VMP1: variants seen among roughly 807,000 people sequenced by gnomAD.
The protein encoded by VMP1 is vacuole membrane protein 1, also known as ectopic P-granules autophagy protein 3 homolog.
Under a neutral mutation model 56.0 loss-of-function variants are expected in VMP1, and 11 were observed. The ratio of observed to expected loss-of-function variants is 0.20; its 90% CI spans 0.12 to 0.32. The LOEUF (loss-of-function observed/expected upper bound fraction) is 0.32, where lower values mean the gene tolerates loss of function less well. Among genes scored for constraint, VMP1 ranks in the 10% least tolerant of loss-of-function variants. The pLI, the probability that VMP1 is intolerant of heterozygous loss-of-function variation, is 1.00. For missense variants in VMP1, 296 were observed against 490.3 expected (o/e 0.60, Z 3.74); for synonymous variants, 149 against 165.0 (o/e 0.90, Z 0.74).
intron 7 of VMP1, among the ~76,000 whole-genome samples, chr17:59,801,079 C>T (rs1410180989): frequency 3.7e-5 from 1 of 27,342 alleles, no homozygotes; most frequent in African/African-American, 7.9e-5. Context: ...GACTCCATCT[C>T]GAAAAAAAAA....
chr17:59,824,330 G>C (rs2038561275), intron 10 of VMP1, among the ~76,000 whole-genome samples: 1 of 151,786 alleles, frequency 6.6e-6, no homozygotes, highest in South Asian at 2.1e-4. Flanking sequence ...CCAGCACTTT[G>C]GGAGGCCAAG....
rs565968763 is a variant in VMP1, at chr17:59,810,406, G to A, written c.796-1264G>A. ...TGACCTCAAGTGATCTACCCACCTC[G>A]GCCTCCCAAAGTGCTGGGATTATAG... On this transcript the variant is annotated intron_variant, in intron 8 of 11. Transcript: ENST00000262291. Among the ~76,000 whole-genome samples, 5 of 152,066 alleles carry A rather than the reference G, an allele frequency of 3.3e-5. No homozygotes were observed. The East Asian group carries it at 5.8e-4, about 18-fold the overall frequency.
In VMP1 at chr17:59,839,913, TAGAG is replaced by T. The variant is rs2039106141; in HGVS notation, c.*4_*7del. The T allele has an allele frequency of 6.2e-7, 1 of 1,610,034 alleles. No homozygotes were observed. Among genetic ancestry groups the T allele is most frequent in the South Asian group, 1.1e-5 (1 of 90,096 alleles). On this transcript the variant is annotated 3_prime_UTR_variant, in exon 12 of 12. Coordinates refer to ENST00000262291, the MANE Select transcript of VMP1 (RefSeq NM_030938.5). ...AACTCAGAGGAGAAAACTAAATAAGTAGAGAAAGTTTTAAACTGCAGAAATTGGA... is the reference window on the plus strand; with the variant it reads ...AACTCAGAGGAGAAAACTAAATAAGTAAAGTTTTAAACTGCAGAAATTGGA...
chr17:59,721,962 A>G (rs2034416750), intron 1 of VMP1, among the ~76,000 whole-genome samples: 1 of 152,208 alleles, frequency 6.6e-6, no homozygotes, highest in Admixed American at 6.5e-5. Flanking sequence ...CCTGGCTTAC[A>G]GACAGCCACC....
At chr17:59,739,604 G>A (rs891580476) in intron 5 of VMP1, among the ~76,000 whole-genome samples, 19 of 150,570 alleles carry the variant, frequency 1.3e-4, no homozygotes, top group African/African-American at 3.4e-4. Context: ...GGTGCCTGTA[G>A]TCCCACATAC....
chr17:59,712,574 G>A (rs1482393154), intron 1 of VMP1, among the ~76,000 whole-genome samples: 1 of 152,144 alleles, frequency 6.6e-6, no homozygotes, highest in African/African-American at 2.4e-5. Context: ...AGGTTCTGGG[G>A]AAAACAATGG....
intron 9 of VMP1, among the ~76,000 whole-genome samples, chr17:59,816,744 C>G (rs769545053): frequency 2.0e-5 from 3 of 148,320 alleles, no homozygotes; most frequent in Non-Finnish European, 3.0e-5. Flanking sequence ...TCGAGACCAT[C>G]CTGGCCTCCT....
intron 5 of VMP1, among the ~76,000 whole-genome samples, chr17:59,757,806 G>T (rs916438722): frequency 6.8e-6 from 1 of 146,036 alleles, no homozygotes; most frequent in Non-Finnish European, 1.5e-5. Context: ...ATTTAACTTC[G>T]TCTAGAATAA....
intron 1 of VMP1, among the ~76,000 whole-genome samples, chr17:59,713,593 A>T (rs1367492154): frequency 6.6e-6 from 1 of 151,686 alleles, no homozygotes; most frequent in African/African-American, 2.4e-5. Flanking sequence ...CACTCCTGTA[A>T]TCCCAGAACT....
chr17:59,791,837 C>T (rs2037241784), intron 7 of VMP1, among the ~76,000 whole-genome samples: 1 of 152,174 alleles, frequency 6.6e-6, no homozygotes, highest in Admixed American at 6.6e-5. Flanking sequence ...GATGACCTGC[C>T]ACTTGCTTGC....
intron 1 of VMP1, among the ~76,000 whole-genome samples, chr17:59,713,951 G>C (rs2034042373): frequency 6.8e-6 from 1 of 147,678 alleles, no homozygotes; most frequent in African/African-American, 2.5e-5. Context: ...TGAGGCATTA[G>C]AATCGCTTGA....
Position 59,750,953 on chromosome 17 carries a change from G to C in VMP1, c.414+12006G>C, listed in dbSNP as rs1215934086. Among the ~76,000 whole-genome samples the C allele has an allele frequency of 2.2e-4, 24 of 107,514 alleles. No homozygotes were observed. The East Asian group carries it at 6.8e-3, about 31-fold the overall frequency. 70.5% of individuals were successfully genotyped at this position (107,514 alleles called of 152,430 possible). On this transcript the variant is annotated intron_variant, in intron 5 of 11. Coordinates refer to ENST00000262291, the MANE Select transcript of VMP1 (RefSeq NM_030938.5). ...TTTTTTTTTTTTTTTTTTTTTTGGA[G>C]ACAGAGTCTAGCTCTGTCACCCAGG...
intron 7 of VMP1, among the ~76,000 whole-genome samples, chr17:59,787,789 C>A (rs1478800117): frequency 6.6e-6 from 1 of 152,040 alleles, no homozygotes; most frequent in Non-Finnish European, 1.5e-5. Flanking sequence ...CCACTACACT[C>A]CAGCCTGGGT....
At chr17:59,792,798 G>A (rs1013311756) in intron 7 of VMP1, among the ~76,000 whole-genome samples, 3 of 150,466 alleles carry the variant, frequency 2.0e-5, no homozygotes, top group South Asian at 2.1e-4. Flanking sequence ...GCAGTGAGCC[G>A]AGATCACGCC....
chr17:59,789,977 C>T (rs1446514928), intron 7 of VMP1, among the ~76,000 whole-genome samples: 4 of 151,150 alleles, frequency 2.6e-5, no homozygotes. Context: ...GTAGCTGGGA[C>T]TACAAGCACA....
At chr17:59,835,337 C>G (rs1321589534) in intron 10 of VMP1, among the ~76,000 whole-genome samples, 3 of 152,050 alleles carry the variant, frequency 2.0e-5, no homozygotes, top group Non-Finnish European at 4.4e-5. Context: ...CTGTGTTGGC[C>G]AGGCTGGTCT....
intron 1 of VMP1, 25 bp from the exon 2 acceptor site, chr17:59,731,396 G>T (rs762982666): frequency 3.5e-6 from 5 of 1,437,602 alleles, no homozygotes; most frequent in Non-Finnish European, 3.8e-6. Context: ...GTAATGTATT[G>T]CTGGATTTTA....
At chr17:59,809,419 C>T (rs1366595525) in intron 8 of VMP1, among the ~76,000 whole-genome samples, 17 of 139,198 alleles carry the variant, frequency 1.2e-4, no homozygotes, top group African/African-American at 2.4e-4. Flanking sequence ...CGGGTTCAAA[C>T]GATTCTCCTG....
chr17:59,772,159 T>G (rs2036450454), intron 6 of VMP1, among the ~76,000 whole-genome samples: 1 of 151,784 alleles, frequency 6.6e-6, no homozygotes, highest in African/African-American at 2.4e-5. Flanking sequence ...CCCAGCTAAT[T>G]TTTTGTATTT....
Sources: gnomAD v4.1 joint callset for allele counts (sites outside exome capture counted in the v4.1 genomes callset) on GRCh38, gnomAD v4.1.1 for gene constraint, MANE v1.5 for transcripts, NCBI Gene and HGNC (gene_info 2026-07-23, HGNC 2026-07-21) for gene names.